The following SCAF11 variants were observed in gnomAD, a reference collection of about 807,000 sequenced individuals.
SCAF11 encodes protein SCAF11.
Under a neutral mutation model 140.5 loss-of-function variants are expected in SCAF11, and 47 were observed. The ratio of observed to expected loss-of-function variants is 0.33; its 90% CI spans 0.26 to 0.43. SCAF11 has a LOEUF of 0.43. Among genes scored for constraint, SCAF11 ranks in the 20% least tolerant of loss-of-function variants. The pLI is 1.00. For synonymous variants in SCAF11, 557 were observed against 579.4 expected, an observed-to-expected ratio of 0.96 and a Z score of 0.55; for missense variants, 1,645 against 1,705.1, an observed-to-expected ratio of 0.96 and a Z score of 0.62.
At chr12:45,967,907 A>T (rs1455253746) in intron 1 of SCAF11, among the ~76,000 whole-genome samples, 1 of 152,210 alleles carries the variant, frequency 6.6e-6, no homozygotes, top group Non-Finnish European at 1.5e-5. Context: ...CAATCCAAGG[A>T]TCCACAAGTA....
In SCAF11 at chr12:45,961,810, C is replaced by A; in HGVS notation, c.109G>T (p.Glu37Ter). The change falls in exon 3 of 15, where the codon GAG (glutamate) becomes TAG (stop). Residue 37 changes from glutamate to a stop codon, truncating the protein, a stop_gained. Coordinates refer to ENST00000369367, the MANE Select transcript of SCAF11 (RefSeq NM_004719.3). LOFTEE classifies it high-confidence loss of function. ...AGACATATTGGGCATCTGTCAGCCT[C>A]ACTGTACAACAGACCAGTGGAAATA... ...NTISTGLLYSEADRCPICLNC... is the reference protein window; with the variant it reads ...NTISTGLLYS 6.2e-7 allele frequency: 1 copy of A among 1,612,760 alleles called. No homozygotes were observed.
At chr12:45,951,165 T>C (rs1428758015) in intron 4 of SCAF11, among the ~76,000 whole-genome samples, 4 of 152,158 alleles carry the variant, frequency 2.6e-5, no homozygotes, top group Non-Finnish European at 4.4e-5. Flanking sequence ...TTCAAAATTA[T>C]TGTTTTTCAG....
intron 3 of SCAF11, among the ~76,000 whole-genome samples, chr12:45,956,662 T>C (rs1243770189): frequency 6.6e-6 from 1 of 152,204 alleles, no homozygotes; most frequent in African/African-American, 2.4e-5. Flanking sequence ...CTACTTAAAA[T>C]CCTTTCATGT....
chr12:45,950,598 T>G (rs941201667), intron 4 of SCAF11, among the ~76,000 whole-genome samples: 2 of 152,214 alleles, frequency 1.3e-5, no homozygotes, highest in African/African-American at 2.4e-5. Flanking sequence ...ACACTTACTA[T>G]ATTACACTTC....
chr12:45,938,045 T>C (rs1945209579), intron 6 of SCAF11, among the ~76,000 whole-genome samples: 1 of 152,164 alleles, frequency 6.6e-6, no homozygotes. Context: ...CTTAACTCCA[T>C]TCTTCCCATG....
intron 5 of SCAF11, among the ~76,000 whole-genome samples, chr12:45,947,146 T>C (rs1331958897): frequency 6.6e-6 from 1 of 152,220 alleles, no homozygotes; most frequent in African/African-American, 2.4e-5. Flanking sequence ...GAATCATAGA[T>C]TTAATTATGA....
chr12:45,935,269 C>T (rs2136531473), intron 6 of SCAF11, among the ~76,000 whole-genome samples: 1 of 152,238 alleles, frequency 6.6e-6, no homozygotes, highest in Non-Finnish European at 1.5e-5. Context: ...TGGTAATAGC[C>T]TACTTTCTAC....
chr12:45,985,027 C>T (rs1946429530), intron 1 of SCAF11, among the ~76,000 whole-genome samples: 2 of 152,194 alleles, frequency 1.3e-5, no homozygotes, highest in Non-Finnish European at 1.5e-5. Context: ...GAAAATGAAG[C>T]TCACCTTGTA....
At chr12:45,954,382 G>T (rs1945626254) in intron 3 of SCAF11, among the ~76,000 whole-genome samples, 1 of 151,860 alleles carries the variant, frequency 6.6e-6, no homozygotes, top group African/African-American at 2.4e-5. Flanking sequence ...GACTACAGGT[G>T]CATGCCACCA....
At chr12:45,945,139 C>G in intron 6 of SCAF11, 110 bp downstream of exon 6, 2 of 728,212 alleles carry the variant, frequency 2.7e-6, no homozygotes, top group Non-Finnish European at 4.8e-6. Flanking sequence ...GTACAGAGTT[C>G]TGAGGACTAT....
chr12:45,928,484 A>C lies in SCAF11; in HGVS notation c.1217T>G (p.Val406Gly). Residue 406 changes from valine (V) to glycine (G), a missense_variant, in exon 11 of 15, where the codon GTA becomes GGA. Physicochemically the swap from Val to Gly is moderately radical, Grantham distance 109 (BLOSUM62 -3). This residue lies in a region of SCAF11 where 1,582 missense variants were observed against 1,609.2 expected (regional missense o/e 0.98). Transcript: ENST00000369367. ...GTCAGATTCTGCTGTTTCTTCATCT[A>C]CTGAATCATTGGAAGATGATTTTTC... ...APEKSSSNDS[V>G]DEETAESDTS... 1 of 1,613,344 alleles carries C rather than the reference A, an allele frequency of 6.2e-7. No homozygotes were observed. The highest frequency in any genetic ancestry group is 8.5e-7 in the Non-Finnish European group (1 of 1,179,696).
intron 1 of SCAF11, among the ~76,000 whole-genome samples, chr12:45,972,955 T>C (rs1420839767): frequency 1.5e-5 from 2 of 135,574 alleles, no homozygotes; most frequent in East Asian, 2.0e-4. Context: ...TATATAGATA[T>C]ATAGATATAT....
Position 45,924,983 on chromosome 12 carries a change from T to C in SCAF11, c.3651A>G (p.Gln1217=), listed in dbSNP as rs540002455. The change falls in exon 12 of 15, where the codon CAA becomes CAG. Residue 1217 remains glutamine, a synonymous_variant. Transcript: ENST00000369367. ...MMQPQMNVMQ[Q]QMNAQHQPMN... ...TAGGCTGGTGTTGTGCATTCATTTG[T>C]TGCTGCATTACATTCATTTGCGGTT... is the stretch of plus-strand genomic sequence containing the variant. 3.2e-4 allele frequency: 516 copies of C among 1,614,244 alleles called. 3 individuals are homozygous for C. The South Asian group carries it at 5.3e-3, about 16-fold the overall frequency.
rs148142551 is a variant in SCAF11 at position 45,981,498 on chromosome 12, C to T, written c.-22+8855G>A. Among the ~76,000 whole-genome samples, 418 of 152,268 alleles carry T rather than the reference C, an allele frequency of 2.7e-3. 1 individual carries two copies. The highest frequency in any genetic ancestry group is 9.5e-3 in the African/African-American group (393 of 41,562). ...CTGTCTCCCAAAAAGATCCAAAAACCGAAACATCATTCTCCCATTTTCTGA... is the reference window on the plus strand; with the variant it reads ...CTGTCTCCCAAAAAGATCCAAAAACTGAAACATCATTCTCCCATTTTCTGA... On this transcript the variant is annotated intron_variant, in intron 1 of 14. Coordinates refer to ENST00000369367, the MANE Select transcript of SCAF11 (RefSeq NM_004719.3).
rs11183257 is a variant in SCAF11 at position 45,972,865 on chromosome 12, G to A, written c.-21-8677C>T. ...TAAAGCCAGTATATATATATATATC[G>A]ATATATATATATATAGATATATATA... On this transcript the variant is annotated intron_variant, in intron 1 of 14. Coordinates refer to ENST00000369367, the MANE Select transcript of SCAF11 (RefSeq NM_004719.3). 1.3e-4 allele frequency among the ~76,000 whole-genome samples: 11 copies of A among 83,626 alleles called. No individual in the cohort carries two copies. In the South Asian group the frequency reaches 2.8e-3, roughly 22 times the overall value. 54.9% of individuals were successfully genotyped at this position (83,626 alleles called of 152,430 possible).
Position 45,922,161 on chromosome 12 carries a change from T to A in SCAF11, c.4279A>T (p.Thr1427Ser), listed in dbSNP as rs760594689. 1 of 1,612,464 alleles carries A rather than the reference T, an allele frequency of 6.2e-7. No individual in the cohort carries two copies. The highest frequency in any genetic ancestry group is 1.1e-5 in the South Asian group (1 of 90,468). The change falls in exon 15 of 15, where the codon ACT becomes TCT. Residue 1427 changes from threonine (T) to serine (S), a missense_variant. This residue lies in a region of SCAF11 where 63 missense variants were observed against 95.9 expected (regional missense o/e 0.66). Coordinates refer to ENST00000369367, the MANE Select transcript of SCAF11 (RefSeq NM_004719.3). ...GCTTTAACCAGATTTGCCACTTTAGTAGAATTTACTTCTCCACTCTTACTA... is the reference window on the plus strand; with the variant it reads ...GCTTTAACCAGATTTGCCACTTTAGAAGAATTTACTTCTCCACTCTTACTA... ...CHSKSGEVNS[T>S]KVANLVKAYV...
At chr12:45,934,811 T>TA (rs1207076542) in intron 6 of SCAF11, among the ~76,000 whole-genome samples, 30 of 152,214 alleles carry the variant, frequency 2.0e-4, no homozygotes, top group African/African-American at 7.0e-4. Context: ...TATGCAAACT[T>TA]AAAGTATCTT....
intron 3 of SCAF11, among the ~76,000 whole-genome samples, chr12:45,957,251 T>C (rs1022348058): frequency 6.6e-6 from 1 of 152,156 alleles, no homozygotes; most frequent in Middle Eastern, 3.2e-3. Context: ...AAAAATTGAT[T>C]GAAAATTCCA....
chr12:45,983,741 A>AC lies in SCAF11; in HGVS notation c.-22+6611_-22+6612insG, dbSNP rs1325076611. ...CAGGTCTGACTGACTCCTAAACCTA[A>AC]AACACACACACACACACACACACAC... On this transcript the variant is annotated intron_variant, in intron 1 of 14. Transcript: ENST00000369367. Among the ~76,000 whole-genome samples the AC allele has an allele frequency of 2.2e-4, 28 of 126,374 alleles. No individual in the cohort carries two copies. The East Asian group carries it at 5.6e-3, about 25-fold the overall frequency. The allele number at this position is 126,374 out of a possible 152,430, so 82.9% of individuals were successfully genotyped here. A position where few individuals can be genotyped will look rare whatever the true frequency, so the allele number is the denominator to read the frequency against.
Sources: gnomAD v4.1 joint callset for allele counts (sites outside exome capture counted in the v4.1 genomes callset) on GRCh38, gnomAD v4.1.1 for gene constraint, gnomAD v4.1.1 regional missense constraint, MANE v1.5 for transcripts, NCBI Gene and HGNC (gene_info 2026-07-23, HGNC 2026-07-21) for gene names.